CCDC122: variants seen among roughly 807,000 people sequenced by gnomAD.
CCDC122 encodes the protein coiled-coil domain-containing protein 122.
In CCDC122, 38 loss-of-function variants were observed where a neutral mutation model predicts 37.0. The ratio of observed to expected loss-of-function variants is 1.03; its 90% CI spans 0.79 to 1.35. The LOEUF is 1.35. CCDC122 is among the 40% of genes most tolerant of loss of function. The pLI is 0.00. For missense variants in CCDC122, 305 were observed against 310.0 expected, an observed-to-expected ratio of 0.98 and a Z score of 0.12; for synonymous variants, 83 against 95.6, an observed-to-expected ratio of 0.87 and a Z score of 0.77.
intron 1 of CCDC122, among the ~76,000 whole-genome samples, chr13:43,875,809 C>A (rs1438457132): frequency 6.6e-6 from 1 of 152,186 alleles, no homozygotes; most frequent in Non-Finnish European, 1.5e-5. Flanking sequence ...ATGCTGAGAG[C>A]CTCTAATCAG....
At chr13:43,830,441 C>T (rs1037948757) in intron 3 of CCDC122, among the ~76,000 whole-genome samples, 3 of 152,092 alleles carry the variant, frequency 2.0e-5, no homozygotes, top group African/African-American at 7.2e-5. Context: ...TTGAAGTCTT[C>T]CCCAGAGAAA....
chr13:43,879,575 C>T (rs1235101340), intron 1 of CCDC122, 56 bp downstream of exon 1: 1 of 152,282 alleles, frequency 6.6e-6, no homozygotes, highest in Non-Finnish European at 1.5e-5. Flanking sequence ...GATTCCCCAG[C>T]TCTCGCGCTG....
intron 1 of CCDC122, among the ~76,000 whole-genome samples, chr13:43,875,862 C>T (rs1954594470): frequency 6.6e-6 from 1 of 152,224 alleles, no homozygotes; most frequent in African/African-American, 2.4e-5. Context: ...TGCTAAAATG[C>T]AGGAGATTGT....
At chr13:43,877,119 A>G (rs2138190981) in intron 1 of CCDC122, among the ~76,000 whole-genome samples, 1 of 152,322 alleles carries the variant, frequency 6.6e-6, no homozygotes, top group East Asian at 1.9e-4. Context: ...AAAGAAAAAA[A>G]TTACAAAGTA....
chr13:43,878,496 C>G (rs1954734346), intron 1 of CCDC122, among the ~76,000 whole-genome samples: 1 of 152,308 alleles, frequency 6.6e-6, no homozygotes, highest in South Asian at 2.1e-4. Flanking sequence ...AGGGCTCTTC[C>G]AAATTCCCAG....
chr13:43,847,407 T>A (rs1264292961), intron 6 of CCDC122, among the ~76,000 whole-genome samples: 1 of 152,154 alleles, frequency 6.6e-6, no homozygotes. Flanking sequence ...TAATCTTTTT[T>A]AAGGAGAATG....
chr13:43,869,336 T>C lies in CCDC122; in HGVS notation c.41A>G (p.Lys14Arg), dbSNP rs1292779877. 1.2e-6 allele frequency: 2 copies of C among 1,605,642 alleles called. No homozygotes were observed. Among genetic ancestry groups the C allele is most frequent in the Non-Finnish European group, 1.7e-6 (2 of 1,173,924 alleles). Residue 14 changes from lysine to arginine, a missense_variant, in exon 3 of 7, where the codon AAA (lysine) becomes AGA (arginine). Transcript: ENST00000444614. Reference protein sequence around the residue: ...NKERKSQGFPKEDNQDTSSLA... With the variant: ...NKERKSQGFPREDNQDTSSLA... Reference sequence around the variant, plus strand: ...TCTTAAGACTGTTTCATTACCTTCTTTAGGAAATCCTTGACTCTTCCTTTC... The same window carrying C: ...TCTTAAGACTGTTTCATTACCTTCTCTAGGAAATCCTTGACTCTTCCTTTC...
intron 4 of CCDC122, among the ~76,000 whole-genome samples, chr13:43,864,945 T>C (rs976938608): frequency 6.6e-6 from 1 of 152,130 alleles, no homozygotes; most frequent in Admixed American, 6.5e-5. Flanking sequence ...GAGTTAATAA[T>C]GTGATGAAAC....
At chr13:43,862,320 T>C (rs1254383361) in intron 4 of CCDC122, among the ~76,000 whole-genome samples, 2 of 152,224 alleles carry the variant, frequency 1.3e-5, no homozygotes, top group Non-Finnish European at 2.9e-5. Flanking sequence ...GCTTTTTAAA[T>C]TATTGTTTGG....
At chr13:43,879,597 T>G (rs930573920) in intron 1 of CCDC122, 34 bp downstream of exon 1, 4 of 151,950 alleles carry the variant, frequency 2.6e-5, no homozygotes, top group African/African-American at 9.7e-5. Flanking sequence ...GCCCGCCGCG[T>G]TCGCACCAAG....
chr13:43,870,541 G>A (rs1007566798), intron 2 of CCDC122, among the ~76,000 whole-genome samples: 1 of 151,656 alleles, frequency 6.6e-6, no homozygotes, highest in Non-Finnish European at 1.5e-5. Context: ...AATTACAATG[G>A]TAAATACTTA....
rs1953184716 is a variant in CCDC122 at position 43,836,974 on chromosome 13, G to A, written c.*306C>T. On this transcript the variant is annotated 3_prime_UTR_variant, in exon 7 of 7. Coordinates refer to ENST00000444614, the MANE Select transcript of CCDC122 (RefSeq NM_144974.5). Reference sequence around the variant, plus strand: ...CTAAATTTTTACTTCATAGGGTAGTGAATGCAACATAAACAGGTATTCATG... The same window carrying A: ...CTAAATTTTTACTTCATAGGGTAGTAAATGCAACATAAACAGGTATTCATG... 1 of 210,638 alleles carries A rather than the reference G, an allele frequency of 4.7e-6. No homozygotes were observed. Among genetic ancestry groups the A allele is most frequent in the African/African-American group, 2.3e-5 (1 of 43,656 alleles). The allele number at this position is 210,638 out of a possible 1,614,324, so 13.0% of individuals were successfully genotyped here. A position where few individuals can be genotyped will look rare whatever the true frequency, so the allele number is the denominator to read the frequency against.
At chr13:43,877,051 G>A (rs1435713909) in intron 1 of CCDC122, among the ~76,000 whole-genome samples, 1 of 152,144 alleles carries the variant, frequency 6.6e-6, no homozygotes, top group African/African-American at 2.4e-5. Flanking sequence ...AGGCTGCAGT[G>A]AGCCGAGATC....
chr13:43,873,768 C>G (rs971176815), intron 2 of CCDC122, among the ~76,000 whole-genome samples: 20 of 152,260 alleles, frequency 1.3e-4, no homozygotes, highest in East Asian at 3.9e-4. Flanking sequence ...AGTAGAGAAG[C>G]CTTCCCTGAT....
Position 43,875,136 on chromosome 13 carries a change from G to A in CCDC122, c.-199-209C>T, listed in dbSNP as rs79177922. ...GGGTTGGTCTGCAGCTCAAATCCAA[G>A]CTTTAAAGGATGTCCAGGCAACTGT... On this transcript the variant is annotated intron_variant, in intron 1 of 6. Coordinates refer to ENST00000444614, the MANE Select transcript of CCDC122 (RefSeq NM_144974.5). Among the ~76,000 whole-genome samples the A allele has an allele frequency of 2.7e-4, 41 of 152,260 alleles. No individual in the cohort carries two copies. The East Asian group carries it at 7.9e-3, about 29-fold the overall frequency.
intron 4 of CCDC122, among the ~76,000 whole-genome samples, chr13:43,860,637 T>C (rs1371766076): frequency 6.6e-6 from 1 of 152,208 alleles, no homozygotes; most frequent in African/African-American, 2.4e-5. Flanking sequence ...ACCAGTCTTC[T>C]GGTTCTCCTT....
chr13:43,863,675 TTGTGTGTG>T (rs55637761), intron 4 of CCDC122, among the ~76,000 whole-genome samples: 13 of 149,472 alleles, frequency 8.7e-5, no homozygotes, highest in Admixed American at 2.0e-4. Flanking sequence ...TTCTAGTGGG[TTGTGTGTG>T]TGTGTGTGTG....
At chr13:43,870,530 T>C (rs1401419623) in intron 2 of CCDC122, among the ~76,000 whole-genome samples, 1 of 152,116 alleles carries the variant, frequency 6.6e-6, no homozygotes, top group Non-Finnish European at 1.5e-5. Context: ...TTCTCTCAAT[T>C]AATTACAATG....
At chr13:43,835,552 T>C (rs1953141615), downstream of CCDC122, among the ~76,000 whole-genome samples, 1 of 152,210 alleles carries the variant, frequency 6.6e-6, no homozygotes, top group Non-Finnish European at 1.5e-5. Context: ...TAAGGATATT[T>C]TAGAAAACTA....
Sources: gnomAD v4.1 joint callset for allele counts (sites outside exome capture counted in the v4.1 genomes callset) on GRCh38, gnomAD v4.1.1 for gene constraint, MANE v1.5 for transcripts, NCBI Gene and HGNC (gene_info 2026-07-23, HGNC 2026-07-21) for gene names.